The following NEK1 variants were observed in gnomAD, a reference collection of about 807,000 sequenced individuals.
NEK1 encodes the protein serine/threonine-protein kinase Nek1.
NEK1 carries 137 observed loss-of-function variants against 182.1 expected under a neutral mutation model. The ratio of observed to expected loss-of-function variants is 0.75; its 90% confidence interval spans 0.65 to 0.87. The LOEUF (loss-of-function observed/expected upper bound fraction) is 0.87. NEK1 is among the 40% of genes least tolerant of loss of function. The probability of loss-of-function intolerance (pLI) is 0.00; values close to 1 mark genes in which losing one functional copy is unlikely to be tolerated. For synonymous variants in NEK1, 513 were observed against 492.2 expected (o/e 1.04, Z -0.56); for missense variants, 1,391 against 1,494.4 (o/e 0.93, Z 1.14).
At chr4:169,549,185 C>T (rs549496589) in intron 18 of NEK1, among the ~76,000 whole-genome samples, 1 of 152,272 alleles carries the variant, frequency 6.6e-6, no homozygotes, top group African/African-American at 2.4e-5. Flanking sequence ...CGGTACAGTT[C>T]CTAATGGCTT....
At chr4:169,523,326 T>C (rs1756394918) in intron 19 of NEK1, among the ~76,000 whole-genome samples, 3 of 152,198 alleles carry the variant, frequency 2.0e-5, no homozygotes, top group Admixed American at 6.5e-5. Flanking sequence ...AGAGATAGGA[T>C]GTTTCACAAG....
chr4:169,549,742 C>T lies in NEK1; in HGVS notation c.1562+5978G>A, dbSNP rs370727199. Reference sequence around the variant, plus strand: ...CCGGTCTTTTTTTGTTTGTTTAAGACGGAGTCTCACTCTGTCACCCAGGCT... The same window carrying T: ...CCGGTCTTTTTTTGTTTGTTTAAGATGGAGTCTCACTCTGTCACCCAGGCT... On this transcript the variant is annotated intron_variant, in intron 18 of 35. Transcript: ENST00000507142. 4.3e-3 allele frequency among the ~76,000 whole-genome samples: 641 copies of T among 148,714 alleles called. 6 individuals are homozygous for T. The highest frequency in any genetic ancestry group is 0.032 in the South Asian group (147 of 4,592).
intron 26 of NEK1, among the ~76,000 whole-genome samples, chr4:169,471,597 G>A (rs981159528): frequency 2.6e-5 from 4 of 152,128 alleles, no homozygotes; most frequent in East Asian, 1.9e-4. Context: ...CAGGAGGCAC[G>A]GGGGTCAAGA....
intron 5 of NEK1, among the ~76,000 whole-genome samples, chr4:169,592,576 T>C (rs1218059751): frequency 6.6e-6 from 1 of 152,018 alleles, no homozygotes; most frequent in East Asian, 1.9e-4. Flanking sequence ...CATAGAAGGA[T>C]AGCTACCAAT....
chr4:169,469,818 T>C (rs1483996125), intron 26 of NEK1, among the ~76,000 whole-genome samples: 1 of 152,172 alleles, frequency 6.6e-6, no homozygotes, highest in African/African-American at 2.4e-5. Context: ...TGGGTGCATA[T>C]ATATTTAGGA....
At chr4:169,585,268 G>T in intron 10 of NEK1, 81 bp downstream of exon 10, 1 of 921,904 alleles carries the variant, frequency 1.1e-6, no homozygotes, top group Non-Finnish European at 1.7e-6. Flanking sequence ...AGATCCAGAT[G>T]TGTTCTCCTC....
At chr4:169,568,316 C>T (rs901948825) in intron 12 of NEK1, among the ~76,000 whole-genome samples, 3 of 152,148 alleles carry the variant, frequency 2.0e-5, no homozygotes, top group Admixed American at 6.5e-5. Context: ...AAATGGATTA[C>T]ATTTGTAAAC....
chr4:169,526,688 G>A (rs1374411039), intron 19 of NEK1, among the ~76,000 whole-genome samples: 1 of 152,044 alleles, frequency 6.6e-6, no homozygotes, highest in South Asian at 2.1e-4. Flanking sequence ...AATTCCAGAG[G>A]GTTAATCCTT....
At chr4:169,402,658 T>A (rs1403976934) in intron 32 of NEK1, among the ~76,000 whole-genome samples, 1 of 152,194 alleles carries the variant, frequency 6.6e-6, no homozygotes, top group East Asian at 1.9e-4. Context: ...AACATTTTTA[T>A]CCTACTACTC....
At chr4:169,599,884 T>A (rs983310450) in intron 4 of NEK1, among the ~76,000 whole-genome samples, 6 of 152,224 alleles carry the variant, frequency 3.9e-5, no homozygotes, top group East Asian at 1.9e-4. Context: ...TTCTTTTTTT[T>A]ATTTAGGCTT....
chr4:169,450,237 C>A (rs1342054288), intron 27 of NEK1, among the ~76,000 whole-genome samples: 1 of 152,084 alleles, frequency 6.6e-6, no homozygotes, highest in African/African-American at 2.4e-5. Flanking sequence ...AGAATGGAAC[C>A]AAGTTGGAAA....
intron 19 of NEK1, among the ~76,000 whole-genome samples, chr4:169,516,488 G>A (rs1755269433): frequency 1.1e-5 from 1 of 92,748 alleles, no homozygotes; most frequent in Non-Finnish European, 2.0e-5. Flanking sequence ...CTTTTGCTGT[G>A]CAGAAGCTCT....
intron 21 of NEK1, 23 bp downstream of exon 21, chr4:169,508,224 CA>C (rs747777793): frequency 3.2e-6 from 5 of 1,556,094 alleles, no homozygotes; most frequent in South Asian, 1.2e-5. Flanking sequence ...TCAATTTCTT[CA>C]AAAAAATAGC....
chr4:169,588,809 C>T (rs1008178645), intron 7 of NEK1, 74 bp from the exon 8 acceptor site: 8 of 891,650 alleles, frequency 9.0e-6, no homozygotes, highest in South Asian at 5.8e-5. Flanking sequence ...TTTTGGTCTA[C>T]AGCAGATCGC....
intron 19 of NEK1, among the ~76,000 whole-genome samples, chr4:169,529,109 A>G (rs1464313427): frequency 6.6e-6 from 1 of 152,214 alleles, no homozygotes; most frequent in Non-Finnish European, 1.5e-5. Flanking sequence ...TTTGTAGAAT[A>G]TGGCTACAGC....
At chr4:169,458,244 C>T (rs1180856703) in intron 27 of NEK1, among the ~76,000 whole-genome samples, 1 of 151,902 alleles carries the variant, frequency 6.6e-6, no homozygotes, top group Non-Finnish European at 1.5e-5. Flanking sequence ...TCAGAAATGG[C>T]CCCATACAGA....
chr4:169,561,962 T>C (rs1762980384), intron 13 of NEK1, 71 bp from the exon 14 acceptor site: 1 of 1,322,916 alleles, frequency 7.6e-7, no homozygotes, highest in Non-Finnish European at 1.1e-6. Flanking sequence ...GGAAAGTTAG[T>C]ACACCAATGG....
chr4:169,430,524 A>G (rs1335525834), intron 29 of NEK1, among the ~76,000 whole-genome samples: 1 of 152,178 alleles, frequency 6.6e-6, no homozygotes, highest in Non-Finnish European at 1.5e-5. Flanking sequence ...TTCATACTAT[A>G]TAACTAGATG....
chr4:169,540,648 A>C (rs774530999), intron 18 of NEK1, among the ~76,000 whole-genome samples: 3 of 152,140 alleles, frequency 2.0e-5, no homozygotes, highest in Non-Finnish European at 4.4e-5. Flanking sequence ...TGAGTTCCAG[A>C]ATTATACCAC....
Sources: allele counts gnomAD v4.1 joint callset (sites outside exome capture counted in the v4.1 genomes callset), GRCh38; gene constraint gnomAD v4.1.1; transcripts MANE v1.5; gene names NCBI Gene and HGNC (gene_info 2026-07-23, HGNC 2026-07-21).